The following TMEFF2 variants were observed in gnomAD, a reference collection of about 807,000 sequenced individuals.
TMEFF2 encodes the protein transmembrane protein with EGF like and two follistatin like domains 2.
A neutral mutation model predicts 53.8 loss-of-function variants in TMEFF2; 28 were observed. The observed-to-expected ratio is 0.52, with a 90% CI of 0.39 to 0.71. The LOEUF is 0.71. Ranked by LOEUF, TMEFF2 falls within the 30% of genes least tolerant of loss-of-function variation. The probability of loss-of-function intolerance (pLI) is 0.00; values close to 1 mark genes in which losing one functional copy is unlikely to be tolerated. For synonymous variants in TMEFF2, 162 were observed against 166.3 expected (o/e 0.97, Z 0.20); for missense variants, 353 against 455.2 (o/e 0.78, Z 2.04).
intron 5 of TMEFF2, among the ~76,000 whole-genome samples, chr2:192,056,684 C>T (rs1344846908): frequency 6.6e-6 from 1 of 152,042 alleles, no homozygotes; most frequent in Non-Finnish European, 1.5e-5. Context: ...ATGTTGCTGT[C>T]CCCCTCCCCA....
intron 4 of TMEFF2, among the ~76,000 whole-genome samples, chr2:192,105,220 T>C: frequency 6.6e-6 from 1 of 151,994 alleles, no homozygotes; most frequent in Non-Finnish European, 1.5e-5. Context: ...AGGTTGATTA[T>C]ATACATATTT....
At chr2:192,110,442 GT>G (rs1376517415) in intron 4 of TMEFF2, among the ~76,000 whole-genome samples, 2 of 152,112 alleles carry the variant, frequency 1.3e-5, no homozygotes, top group Non-Finnish European at 2.9e-5. Context: ...GAAAGTTTTT[GT>G]TGTTTTTAGC....
chr2:192,013,907 ATAAG>A lies in TMEFF2; in HGVS notation c.537-14703_537-14700del, dbSNP rs574564436. Among the ~76,000 whole-genome samples, 529 of 152,378 alleles carry A rather than the reference ATAAG, an allele frequency of 3.5e-3. 6 individuals carry two copies. Among genetic ancestry groups the A allele is most frequent in the African/African-American group, 0.012 (505 of 41,598 alleles). On this transcript the variant is annotated intron_variant, in intron 5 of 9. Coordinates refer to ENST00000272771, the MANE Select transcript of TMEFF2 (RefSeq NM_016192.4). ...CAATAAATATTTGTTGAAAAAATGA[ATAAG>A]TAAATGAATACATTCTGAATTTAAA...
chr2:191,954,089 C>A (rs200853074), intron 8 of TMEFF2, among the ~76,000 whole-genome samples: 24 of 151,808 alleles, frequency 1.6e-4, no homozygotes, highest in Non-Finnish European at 1.0e-4. Flanking sequence ...GGGTTTCACC[C>A]TGTTAGCCAG....
At chr2:192,186,249 A>C (rs1217354733) in intron 2 of TMEFF2, among the ~76,000 whole-genome samples, 1 of 152,158 alleles carries the variant, frequency 6.6e-6, no homozygotes, top group African/African-American at 2.4e-5. Flanking sequence ...AGCTTTCCAA[A>C]AATTTGTTTT....
chr2:192,085,064 A>C (rs1688639006), intron 4 of TMEFF2, among the ~76,000 whole-genome samples: 1 of 152,204 alleles, frequency 6.6e-6, no homozygotes, highest in African/African-American at 2.4e-5. Context: ...CTTCACAGAA[A>C]TGAAATCTGT....
intron 5 of TMEFF2, among the ~76,000 whole-genome samples, chr2:192,018,273 A>C (rs771519350): frequency 6.6e-6 from 1 of 152,208 alleles, no homozygotes; most frequent in Non-Finnish European, 1.5e-5. Context: ...AGGAAAAACT[A>C]TCTAGCTGTG....
chr2:192,068,371 C>T (rs1574343811), intron 4 of TMEFF2, among the ~76,000 whole-genome samples: 1 of 151,890 alleles, frequency 6.6e-6, no homozygotes, highest in East Asian at 1.9e-4. Flanking sequence ...TTTGTATGAA[C>T]AGAGGAATAA....
intron 5 of TMEFF2, among the ~76,000 whole-genome samples, chr2:192,001,782 G>A (rs1686368369): frequency 6.6e-6 from 1 of 152,076 alleles, no homozygotes; most frequent in Non-Finnish European, 1.5e-5. Context: ...TGATTGTGAG[G>A]CCTCCCTACC....
chr2:191,971,755 TAGAC>T (rs1337716209), intron 7 of TMEFF2, among the ~76,000 whole-genome samples: 2 of 152,244 alleles, frequency 1.3e-5, no homozygotes, highest in African/African-American at 2.4e-5. Flanking sequence ...GTGAGTTAAA[TAGAC>T]AGTTTCTCTC....
intron 5 of TMEFF2, chr2:192,031,828 C>T (rs1220245154): frequency 6.6e-6 from 1 of 152,168 alleles, no homozygotes; most frequent in Non-Finnish European, 1.5e-5. Flanking sequence ...TGACCCACAG[C>T]CTTTCTTGCT....
chr2:191,964,229 T>C (rs57082871), intron 7 of TMEFF2, among the ~76,000 whole-genome samples: 7 of 140,802 alleles, frequency 5.0e-5, no homozygotes, highest in African/African-American at 1.6e-4. Context: ...TCTGTCTTTC[T>C]TTCCTTCCTT....
At chr2:192,087,612 C>T (rs1054018751) in intron 4 of TMEFF2, among the ~76,000 whole-genome samples, 4 of 152,072 alleles carry the variant, frequency 2.6e-5, no homozygotes, top group African/African-American at 7.2e-5. Flanking sequence ...CATGTTACCA[C>T]AGTGAAATTA....
rs1285310905 is a variant in TMEFF2, at chr2:192,103,829, G to A, written c.440-46054C>T. On this transcript the variant is annotated intron_variant, in intron 4 of 9. Transcript: ENST00000272771. ...TGCCATAGCCTTGAGGTGAGGGCAT[G>A]CTTGGTGTGTTTGAGAGAGTAGAGG... Among the ~76,000 whole-genome samples, 2 of 151,762 alleles carry A rather than the reference G, an allele frequency of 1.3e-5. 1 individual carries two copies. Among genetic ancestry groups the A allele is most frequent in the East Asian group, 3.9e-4 (2 of 5,176 alleles).
At chr2:192,162,769 G>T (rs897767680) in intron 4 of TMEFF2, among the ~76,000 whole-genome samples, 1 of 152,084 alleles carries the variant, frequency 6.6e-6, no homozygotes, top group Non-Finnish European at 1.5e-5. Context: ...AGACAAAACA[G>T]AAAATAACTC....
intron 7 of TMEFF2, among the ~76,000 whole-genome samples, chr2:191,970,009 A>G (rs1011699893): frequency 6.6e-6 from 1 of 152,192 alleles, no homozygotes; most frequent in African/African-American, 2.4e-5. Context: ...AACTTTTGGT[A>G]TTTCTCAATC....
chr2:192,115,538 T>G (rs986398053), intron 4 of TMEFF2, among the ~76,000 whole-genome samples: 1 of 151,684 alleles, frequency 6.6e-6, no homozygotes, highest in Middle Eastern at 3.2e-3. Context: ...ATCAACAAAG[T>G]GAAAAGCAAC....
intron 5 of TMEFF2, among the ~76,000 whole-genome samples, chr2:192,035,826 AC>A (rs1265192130): frequency 6.6e-6 from 1 of 151,940 alleles, no homozygotes; most frequent in African/African-American, 2.4e-5. Flanking sequence ...ACTTTCTCTC[AC>A]CACCTCCCTC....
At chr2:192,150,920 T>C (rs1690370538) in intron 4 of TMEFF2, among the ~76,000 whole-genome samples, 1 of 151,854 alleles carries the variant, frequency 6.6e-6, no homozygotes, top group Non-Finnish European at 1.5e-5. Context: ...ATTACTTTGG[T>C]GATATGGTTT....
Sources: gnomAD v4.1 joint callset for allele counts (sites outside exome capture counted in the v4.1 genomes callset) on GRCh38, gnomAD v4.1.1 for gene constraint, MANE v1.5 for transcripts, NCBI Gene and HGNC (gene_info 2026-07-23, HGNC 2026-07-21) for gene names.